The following SCML4 variants were observed in gnomAD, a reference collection of about 807,000 sequenced individuals.
The protein encoded by SCML4 is sex comb on midleg-like protein 4.
In SCML4, 34 loss-of-function variants were observed where a neutral mutation model predicts 41.1. The observed-to-expected ratio is 0.83, with a 90% CI of 0.63 to 1.10. The LOEUF (loss-of-function observed/expected upper bound fraction) is 1.10, where lower values mean the gene tolerates loss of function less well. Ranked by LOEUF, SCML4 falls within the 50% of genes least tolerant of loss-of-function variation. SCML4 has a pLI of 0.00. For missense variants in SCML4, 522 were observed against 534.1 expected (o/e 0.98, Z 0.22); for synonymous variants, 214 against 220.9 (o/e 0.97, Z 0.28).
At chr6:107,752,368 C>A (rs1439584771) in intron 2 of SCML4, among the ~76,000 whole-genome samples, 1 of 151,190 alleles carries the variant, frequency 6.6e-6, no homozygotes, top group Non-Finnish European at 1.5e-5. Flanking sequence ...TGGGGGAGAG[C>A]CTATATGAAG....
the SCML4 span, among the ~76,000 whole-genome samples, chr6:107,831,361 A>G: frequency 4.0e-5 from 6 of 151,026 alleles, no homozygotes; most frequent in African/African-American, 1.5e-4. Flanking sequence ...TTGCCTTTAG[A>G]ACAAAACTTG....
intron 2 of SCML4, among the ~76,000 whole-genome samples, chr6:107,766,214 A>G (rs953403656): frequency 6.6e-6 from 1 of 152,132 alleles, no homozygotes; most frequent in African/African-American, 2.4e-5. Context: ...TACTAAAAAT[A>G]CAAAAATTAG....
At position 107,820,743 on chromosome 6, in the gene SCML4, AG is replaced by A. The variant is rs553705055; in HGVS notation, c.-60+3382del. Among the ~76,000 whole-genome samples, 63 of 152,348 alleles carry A rather than the reference AG, an allele frequency of 4.1e-4. No homozygotes were observed. In the South Asian group the frequency reaches 9.5e-3, roughly 23 times the overall value. ...TTGGTATGGGCGTATCAACAAATGC[AG>A]GGTTCCCCACAGCGATTTACAGCAG... is the stretch of plus-strand genomic sequence containing the variant. On this transcript the variant is annotated intron_variant, in intron 1 of 7. Coordinates refer to ENST00000369020, the MANE Select transcript of SCML4 (RefSeq NM_198081.5).
chr6:107,824,659 T>C (rs1185580792), upstream of SCML4, among the ~76,000 whole-genome samples: 1 of 152,168 alleles, frequency 6.6e-6, no homozygotes, highest in Non-Finnish European at 1.5e-5. Context: ...ATGGTTAGAA[T>C]GGGTGTTTCC....
intron 5 of SCML4, among the ~76,000 whole-genome samples, chr6:107,741,069 T>C (rs1195025940): frequency 6.6e-6 from 1 of 152,126 alleles, no homozygotes; most frequent in Non-Finnish European, 1.5e-5. Flanking sequence ...ATTATGTCTT[T>C]GAGTGAAACT....
chr6:107,826,917 G>C (rs1278284850), upstream of SCML4, among the ~76,000 whole-genome samples: 1 of 151,702 alleles, frequency 6.6e-6, no homozygotes, highest in Non-Finnish European at 1.5e-5. Flanking sequence ...CAAAAAATTA[G>C]CTGGGAGTGG....
chr6:107,802,576 GAGGGAGGAAGGAAGGAAGGAAGGAAGGA>G (rs1381128297), intron 1 of SCML4, among the ~76,000 whole-genome samples: 1 of 51,248 alleles, frequency 2.0e-5, no homozygotes, highest in East Asian at 9.0e-4. Context: ...TCGAGGGAGG[GAGGGAGGAAGGAAGGAAGGAAGGAAGGA>G]AGGAAGGAAG....
intron 1 of SCML4, among the ~76,000 whole-genome samples, chr6:107,822,411 CA>C (rs1406979707): frequency 6.6e-6 from 1 of 151,926 alleles, no homozygotes; most frequent in Non-Finnish European, 1.5e-5. Context: ...AACACACCAC[CA>C]AAAGCAAAGA....
At chr6:107,726,341 G>A (rs1328271868) in intron 5 of SCML4, among the ~76,000 whole-genome samples, 1 of 151,774 alleles carries the variant, frequency 6.6e-6, no homozygotes, top group African/African-American at 2.4e-5. Flanking sequence ...AGACCATCCT[G>A]GCTAACACGG....
intron 1 of SCML4, among the ~76,000 whole-genome samples, chr6:107,781,458 G>A (rs1410938230): frequency 1.3e-5 from 2 of 152,098 alleles, no homozygotes; most frequent in Non-Finnish European, 2.9e-5. Flanking sequence ...ACCAGCCTGA[G>A]CAATAGGGCA....
chr6:107,778,210 AAAAAAAAAAAAAATATATAT>A (rs1318176247), intron 1 of SCML4, among the ~76,000 whole-genome samples: 1 of 21,326 alleles, frequency 4.7e-5, no homozygotes, highest in Non-Finnish European at 1.4e-4. Context: ...AAAAAAAAAA[AAAAAAAAAAAAAATATATAT>A]ATATATATAT....
the SCML4 span, among the ~76,000 whole-genome samples, chr6:107,837,195 C>T: frequency 6.6e-6 from 1 of 152,218 alleles, no homozygotes; most frequent in African/African-American, 2.4e-5. Flanking sequence ...ATTACCAAGT[C>T]TACCTTGTAG....
intron 2 of SCML4, among the ~76,000 whole-genome samples, chr6:107,763,661 A>G (rs1374341462): frequency 6.6e-6 from 1 of 152,186 alleles, no homozygotes; most frequent in Non-Finnish European, 1.5e-5. Context: ...TGCCGGGGCT[A>G]CAGGTGTGAG....
chr6:107,804,085 G>T (rs1783534260), intron 1 of SCML4, among the ~76,000 whole-genome samples: 1 of 146,230 alleles, frequency 6.8e-6, no homozygotes, highest in African/African-American at 2.5e-5. Flanking sequence ...AAAAAAAAGA[G>T]CATTGGCTCT....
intron 1 of SCML4, among the ~76,000 whole-genome samples, chr6:107,780,874 A>G (rs1486487636): frequency 2.0e-5 from 3 of 152,154 alleles, no homozygotes; most frequent in African/African-American, 7.2e-5. Context: ...GAGGACAAAG[A>G]AGCAACTTGT....
At chr6:107,841,156 TAAAAA>T in the SCML4 span, among the ~76,000 whole-genome samples, 1 of 148,958 alleles carries the variant, frequency 6.7e-6, no homozygotes, top group Non-Finnish European at 1.5e-5. Flanking sequence ...TATAAACTGC[TAAAAA>T]AAAAAAAAAA....
chr6:107,732,702 G>T (rs1527871), intron 5 of SCML4, among the ~76,000 whole-genome samples: 1 of 151,914 alleles, frequency 6.6e-6, no homozygotes, highest in Non-Finnish European at 1.5e-5. Flanking sequence ...ATATGATCTC[G>T]CAGCTTTGCC....
rs1278174447 is a variant in SCML4 at position 107,705,284 on chromosome 6, C to G, written c.1161G>C (p.Met387Ile). ...GCTTCAGGCCCAGGTACTTCATGAC[C>G]ATGTCACTCTTCAGCAACAGCAGAG... ...GNALLLLKSDMVMKYLGLKLG... is the reference protein window; with the variant it reads ...GNALLLLKSDIVMKYLGLKLG... Residue 387 changes from methionine (M) to isoleucine (I), a missense_variant, in exon 8 of 8, where the codon ATG becomes ATC. Met to Ile is a conservative substitution (Grantham distance 10, BLOSUM62 1). Transcript: ENST00000369020. 1 of 1,551,686 alleles carries G rather than the reference C, an allele frequency of 6.4e-7. No homozygotes were observed. Among genetic ancestry groups the G allele is most frequent in the East Asian group, 2.4e-5 (1 of 40,924 alleles).
chr6:107,740,847 A>G (rs896392794), intron 5 of SCML4, among the ~76,000 whole-genome samples: 9 of 152,238 alleles, frequency 5.9e-5, no homozygotes, highest in African/African-American at 2.2e-4. Context: ...AGAGAGCATG[A>G]TGCCAACTCA....
Sources: gnomAD v4.1 joint callset for allele counts (sites outside exome capture counted in the v4.1 genomes callset) on GRCh38, gnomAD v4.1.1 for gene constraint, MANE v1.5 for transcripts, NCBI Gene and HGNC (gene_info 2026-07-23, HGNC 2026-07-21) for gene names.